PRKACA: variants seen among roughly 807,000 people sequenced by gnomAD.
PRKACA encodes the protein cAMP-dependent protein kinase catalytic subunit alpha.
In PRKACA, 9 loss-of-function variants were observed where a neutral mutation model predicts 45.8. The ratio of observed to expected loss-of-function variants is 0.20; its 90% confidence interval spans 0.12 to 0.34. The LOEUF (loss-of-function observed/expected upper bound fraction) is 0.34. PRKACA is among the 10% of genes least tolerant of loss of function. The pLI, the probability that PRKACA is intolerant of heterozygous loss-of-function variation, is 1.00. For synonymous variants in PRKACA, 160 were observed against 178.6 expected, an observed-to-expected ratio of 0.90 and a Z score of 0.83; for missense variants, 238 against 458.6, an observed-to-expected ratio of 0.52 and a Z score of 4.39.
chr19:14,095,164 TTTTC>T (rs1454911298), intron 8 of PRKACA, among the ~76,000 whole-genome samples: 3 of 151,922 alleles, frequency 2.0e-5, no homozygotes, highest in Non-Finnish European at 2.9e-5. Context: ...GGACATTTTT[TTTTC>T]TTTTTTTCTT....
In PRKACA at chr19:14,097,750, G is replaced by A. The variant is rs755879642; in HGVS notation, c.546+14C>T. ...GCTTCCCCAGGGCTGCCCCTCGCCC[G>A]GCCTGGTGGGCACCTGAATGTAGCC... On this transcript the variant is annotated intron_variant, in intron 6 of 9. Coordinates refer to ENST00000308677, the MANE Select transcript of PRKACA (RefSeq NM_002730.4). This position sits in a 1 kb window ranked among gnomAD's most constrained non-coding sequence, Gnocchi z 5.4. The A allele has an allele frequency of 1.8e-5, 29 of 1,614,038 alleles. No individual in the cohort carries two copies. Among genetic ancestry groups the A allele is most frequent in the South Asian group, 4.4e-5 (4 of 91,084 alleles).
Position 14,097,498 on chromosome 19 carries a change from G to T in PRKACA, c.643-15C>A, listed in dbSNP as rs770698309. 1 of 1,613,976 alleles carries T rather than the reference G, an allele frequency of 6.2e-7. No individual in the cohort carries two copies. Among genetic ancestry groups the T allele is most frequent in the Non-Finnish European group, 8.5e-7 (1 of 1,180,006 alleles). On this transcript the variant is annotated splice_polypyrimidine_tract_variant and intron_variant, in intron 7 of 9. Coordinates refer to ENST00000308677, the MANE Select transcript of PRKACA (RefSeq NM_002730.4). This position sits in a 1 kb window ranked among gnomAD's most constrained non-coding sequence, Gnocchi z 5.4. The stretch of plus-strand genomic sequence containing the variant: ...TTGTTGTAGCCCTGGAGCAAGATGG[G>T]GGGGCACAGGGTGAGGAGGAGGCGA...
intron 1 of PRKACA, among the ~76,000 whole-genome samples, chr19:14,113,210 G>C (rs929300792): frequency 6.6e-6 from 1 of 152,022 alleles, no homozygotes; most frequent in Non-Finnish European, 1.5e-5. Context: ...AAACCCAGGG[G>C]TGGGGGAGGG....
chr19:14,094,508 CAA>C (rs954598280), intron 8 of PRKACA, among the ~76,000 whole-genome samples: 63 of 152,334 alleles, frequency 4.1e-4, no homozygotes, highest in African/African-American at 1.4e-3. Context: ...GCATTTCTAA[CAA>C]ATTCCCCAGC....
intron 1 of PRKACA, among the ~76,000 whole-genome samples, chr19:14,109,965 A>AATATATATATATATAT (rs1188333013): frequency 4.2e-5 from 1 of 23,770 alleles, no homozygotes. Context: ...AAAAAAAAAA[A>AATATATATATATATAT]ATATATATAT....
chr19:14,097,343 C>A lies in PRKACA; in HGVS notation c.765+18G>T. Reference sequence around the variant, plus strand: ...GGTCTGTTTCTTCCAGGGCTGTGTCCCCACATCCGGACCTCACCTTCCCAG... The same window carrying A: ...GGTCTGTTTCTTCCAGGGCTGTGTCACCACATCCGGACCTCACCTTCCCAG... On this transcript the variant is annotated intron_variant, in intron 8 of 9. Transcript: ENST00000308677. The surrounding 1 kb of genome is among the most constrained non-coding windows in gnomAD (Gnocchi z 5.4). 2.5e-6 allele frequency: 4 copies of A among 1,613,988 alleles called. No homozygotes were observed. Among genetic ancestry groups the A allele is most frequent in the Non-Finnish European group, 3.4e-6 (4 of 1,179,960 alleles).
intron 1 of PRKACA, chr19:14,115,260 A>C (rs1045113446): frequency 3.7e-6 from 1 of 271,644 alleles, no homozygotes; most frequent in African/African-American, 2.3e-5. Context: ...TGGCAATCCC[A>C]TGATTTCATT....
intron 8 of PRKACA, chr19:14,096,941 T>G: frequency 3.3e-6 from 1 of 301,232 alleles, no homozygotes; most frequent in South Asian, 3.0e-5. Context: ...AGAGGAAGCA[T>G]GGGCTATAAA....
At chr19:14,111,127 G>A (rs1428101101) in intron 1 of PRKACA, among the ~76,000 whole-genome samples, 1 of 152,256 alleles carries the variant, frequency 6.6e-6, no homozygotes, top group Non-Finnish European at 1.5e-5. Context: ...GCTGGGTGCA[G>A]TGGCTCACGC....
chr19:14,110,868 T>C (rs932145175), intron 1 of PRKACA, among the ~76,000 whole-genome samples: 5 of 152,206 alleles, frequency 3.3e-5, no homozygotes, highest in Admixed American at 6.5e-5. Flanking sequence ...AACTCAGCCA[T>C]TGGTTTCAGT....
chr19:14,103,061 C>A, intron 3 of PRKACA, 147 bp from the exon 4 acceptor site: 3 of 683,960 alleles, frequency 4.4e-6, no homozygotes, highest in Admixed American at 2.2e-5. Context: ...GGGCCCTTAG[C>A]TGATGCTGAG....
chr19:14,113,928 C>T (rs946689126), intron 1 of PRKACA, among the ~76,000 whole-genome samples: 2 of 152,160 alleles, frequency 1.3e-5, no homozygotes, highest in Admixed American at 1.3e-4. Flanking sequence ...GTGGACCATC[C>T]TCCCTTGTCT....
chr19:14,100,574 T>C (rs1437458052), intron 5 of PRKACA, among the ~76,000 whole-genome samples: 2 of 152,156 alleles, frequency 1.3e-5, no homozygotes, highest in Non-Finnish European at 2.9e-5. Context: ...CTGGGATTAC[T>C]GGTGAGAACC....
chr19:14,097,925 G>T lies in PRKACA; in HGVS notation c.420-35C>A, dbSNP rs769313980. On this transcript the variant is annotated intron_variant, in intron 5 of 9. Coordinates refer to ENST00000308677, the MANE Select transcript of PRKACA (RefSeq NM_002730.4). The surrounding 1 kb of genome is among the most constrained non-coding windows in gnomAD (Gnocchi z 5.4). ...ACAAATGGGGAGGTGAACGTCAGTG[G>T]TCATGCCCCAAAATGGTCCAGCAGG... is the stretch of plus-strand genomic sequence containing the variant. 20 of 1,612,354 alleles carry T rather than the reference G, an allele frequency of 1.2e-5. No homozygotes were observed. The highest frequency in any genetic ancestry group is 1.7e-5 in the Non-Finnish European group (20 of 1,178,782).
intron 3 of PRKACA, among the ~76,000 whole-genome samples, chr19:14,104,689 C>T (rs1977552067): frequency 1.4e-5 from 2 of 145,632 alleles, no homozygotes; most frequent in Admixed American, 1.4e-4. Flanking sequence ...GAGCGAGACT[C>T]CATCTCAAAA....
At chr19:14,101,006 G>A in intron 4 of PRKACA, 98 bp from the exon 5 acceptor site, 6 of 1,009,298 alleles carry the variant, frequency 5.9e-6, no homozygotes, top group Non-Finnish European at 9.4e-6. Flanking sequence ...AACATTAAAT[G>A]ACAACAGCGA....
chr19:14,097,325 T>A lies in PRKACA; in HGVS notation c.765+36A>T. 15 of 1,613,716 alleles carry A rather than the reference T, an allele frequency of 9.3e-6. No individual in the cohort carries two copies. Among genetic ancestry groups the A allele is most frequent in the Non-Finnish European group, 1.3e-5 (15 of 1,179,782 alleles). On this transcript the variant is annotated intron_variant, in intron 8 of 9. Coordinates refer to ENST00000308677, the MANE Select transcript of PRKACA (RefSeq NM_002730.4). This position sits in a 1 kb window ranked among gnomAD's most constrained non-coding sequence, Gnocchi z 5.4. ...GATGGGTGAGCAGGGAACGGTCTGT[T>A]TCTTCCAGGGCTGTGTCCCCACATC...
chr19:14,093,616 G>A lies in PRKACA; in HGVS notation c.930+12C>T, dbSNP rs1392791216. 6 of 1,610,816 alleles carry A rather than the reference G, an allele frequency of 3.7e-6. No individual in the cohort carries two copies. Among genetic ancestry groups the A allele is most frequent in the East Asian group, 4.5e-5 (2 of 44,884 alleles). On this transcript the variant is annotated intron_variant, in intron 9 of 9. Transcript: ENST00000308677. ...CCCAAACCCTCAGCAGGCTTAAGGA[G>A]GGGAGGCCCACCTTCCTCTGGTAGA...
Position 14,117,650 on chromosome 19 carries a change from C to G in PRKACA, c.-103G>C. 4.5e-6 allele frequency: 3 copies of G among 668,830 alleles called. No homozygotes were observed. The highest frequency in any genetic ancestry group is 5.5e-6 in the Non-Finnish European group (3 of 542,816). 41.4% of individuals were successfully genotyped at this position (668,830 alleles called of 1,614,324 possible). A position where few individuals can be genotyped will look rare whatever the true frequency, so the allele number is the denominator to read the frequency against. ...GCTGGGCGGCGGCGGCGGCGGCCCTCGGGCTGGCTGCGCTAGCTGCGGCGC... is the reference window on the plus strand; with the variant it reads ...GCTGGGCGGCGGCGGCGGCGGCCCTGGGGCTGGCTGCGCTAGCTGCGGCGC... On this transcript the variant is annotated 5_prime_UTR_variant, in exon 1 of 10. Transcript: ENST00000308677.
Sources: gnomAD v4.1 joint callset for allele counts (sites outside exome capture counted in the v4.1 genomes callset) on GRCh38, gnomAD v4.1.1 for gene constraint, Gnocchi (gnomAD v3.1) non-coding constraint, MANE v1.5 for transcripts, NCBI Gene and HGNC (gene_info 2026-07-23, HGNC 2026-07-21) for gene names.